SH3GLB1: variants seen among roughly 807,000 people sequenced by gnomAD.
SH3GLB1 encodes the protein endophilin-B1.
Under a neutral mutation model 42.0 loss-of-function variants are expected in SH3GLB1, and 17 were observed. The observed-to-expected ratio is 0.40, with a 90% CI of 0.28 to 0.61. The LOEUF is 0.61. Among genes scored for constraint, SH3GLB1 ranks in the 20% least tolerant of loss-of-function variants. The pLI, the probability that SH3GLB1 is intolerant of heterozygous loss-of-function variation, is 0.36. For synonymous variants in SH3GLB1, 132 were observed against 146.6 expected (o/e 0.90, Z 0.72); for missense variants, 355 against 426.3 (o/e 0.83, Z 1.47).
In SH3GLB1 at chr1:86,719,507, A is replaced by G. The variant is rs201622706; in HGVS notation, c.215A>G (p.Asn72Ser). The stretch of plus-strand genomic sequence containing the variant: ...TTGGTAATTTTAACCTTTCTCCTAG[A>G]TGCCAGGATAGAAGAATTTGTTTAT... Reference protein sequence around the residue: ...QTEVLLQPNPNARIEEFVYEK... With the variant: ...QTEVLLQPNPSARIEEFVYEK... Residue 72 changes from asparagine to serine, a missense_variant and splice_region_variant, in exon 3 of 9, where the codon AAT becomes AGT. Physicochemically the swap from Asn to Ser is conservative, Grantham distance 46 (BLOSUM62 1). Transcript: ENST00000370558. 2.1e-5 allele frequency: 33 copies of G among 1,598,222 alleles called. No individual in the cohort carries two copies. The African/African-American group carries it at 4.5e-4, about 22-fold the overall frequency.
At chr1:86,720,579 CTG>C (rs1654811856) in intron 3 of SH3GLB1, among the ~76,000 whole-genome samples, 1 of 152,326 alleles carries the variant, frequency 6.6e-6, no homozygotes, top group South Asian at 2.1e-4. Context: ...TAACATGAGA[CTG>C]TTACAGATTT....
chr1:86,745,465 A>G lies in SH3GLB1; in HGVS notation c.*2230A>G, dbSNP rs529951020. The G allele has an allele frequency of 6.6e-6, 1 of 152,184 alleles. No individual in the cohort carries two copies. Among genetic ancestry groups the G allele is most frequent in the Non-Finnish European group, 1.5e-5 (1 of 68,018 alleles). 9.4% of individuals were successfully genotyped at this position (152,184 alleles called of 1,614,324 possible). A position where few individuals can be genotyped will look rare whatever the true frequency, so the allele number is the denominator to read the frequency against. ...TCTGGGCTCTGTTTTCTCTCTATCA[A>G]TCCTATCCTCCACCCTCTTTAAATC... On this transcript the variant is annotated 3_prime_UTR_variant, in exon 9 of 9. Coordinates refer to ENST00000370558, the MANE Select transcript of SH3GLB1 (RefSeq NM_016009.5).
chr1:86,724,892 A>AAAAAAAAAAAATATATATATATATAT (rs1291454820), intron 5 of SH3GLB1, among the ~76,000 whole-genome samples: 3 of 99,690 alleles, frequency 3.0e-5, no homozygotes, highest in Non-Finnish European at 3.7e-5. Flanking sequence ...AAAAAAAAAA[A>AAAAAAAAAAAATATATATATATATAT]ATATATATAT....
chr1:86,707,778 A>T (rs926744709), intron 1 of SH3GLB1, among the ~76,000 whole-genome samples: 24 of 150,752 alleles, frequency 1.6e-4, no homozygotes, highest in African/African-American at 4.9e-4. Context: ...TCTTTCAAGT[A>T]ACTGGAATTA....
At chr1:86,729,453 G>A (rs1175741836) in intron 5 of SH3GLB1, among the ~76,000 whole-genome samples, 1 of 152,014 alleles carries the variant, frequency 6.6e-6, no homozygotes, top group Non-Finnish European at 1.5e-5. Flanking sequence ...GCATTAATGT[G>A]TTTCCATTGT....
intron 5 of SH3GLB1, among the ~76,000 whole-genome samples, chr1:86,730,613 C>G (rs1464471414): frequency 6.6e-6 from 1 of 152,106 alleles, no homozygotes; most frequent in Non-Finnish European, 1.5e-5. Flanking sequence ...GATTCTCCTG[C>G]CTCAGCCTCC....
chr1:86,706,090 A>G (rs541618148), intron 1 of SH3GLB1, among the ~76,000 whole-genome samples: 16 of 152,330 alleles, frequency 1.1e-4, no homozygotes, highest in African/African-American at 3.8e-4. Context: ...AATGCATTTG[A>G]CATATTATCT....
chr1:86,724,914 A>ATATATAT (rs1558315388), intron 5 of SH3GLB1, among the ~76,000 whole-genome samples: 56 of 119,912 alleles, frequency 4.7e-4, no homozygotes, highest in East Asian at 2.0e-3. Flanking sequence ...TATATATATA[A>ATATATAT]AATATATAAT....
chr1:86,712,174 T>C (rs562754265), intron 1 of SH3GLB1, among the ~76,000 whole-genome samples: 1 of 152,284 alleles, frequency 6.6e-6, no homozygotes, highest in East Asian at 1.9e-4. Flanking sequence ...AATGTCCTTA[T>C]TGTGTGTCTT....
chr1:86,728,377 T>G, intron 5 of SH3GLB1: 1 of 1,334,438 alleles, frequency 7.5e-7, no homozygotes, highest in Non-Finnish European at 1.0e-6. Context: ...TATAATGTGT[T>G]CTTTGTCTCT....
intron 7 of SH3GLB1, among the ~76,000 whole-genome samples, chr1:86,738,096 T>A (rs1655866241): frequency 6.6e-6 from 1 of 152,148 alleles, no homozygotes; most frequent in Non-Finnish European, 1.5e-5. Flanking sequence ...GGATAGGTGT[T>A]GGGTGGAAGC....
In SH3GLB1 at chr1:86,745,975, A is replaced by G. The variant is rs1404671920; in HGVS notation, c.*2740A>G. The G allele has an allele frequency of 2.0e-5, 3 of 152,636 alleles. No homozygotes were observed. The highest frequency in any genetic ancestry group is 2.4e-5 in the African/African-American group (1 of 41,450). The allele number at this position is 152,636 out of a possible 1,614,324, so 9.5% of individuals were successfully genotyped here. A position where few individuals can be genotyped will look rare whatever the true frequency, so the allele number is the denominator to read the frequency against. On this transcript the variant is annotated 3_prime_UTR_variant, in exon 9 of 9. Transcript: ENST00000370558. Reference sequence around the variant, plus strand: ...AAAAAAAAGTGATTGGATTGTGTCTACCTTTTTCCTCAAAGTAATCTAACC... The same window carrying G: ...AAAAAAAAGTGATTGGATTGTGTCTGCCTTTTTCCTCAAAGTAATCTAACC...
At chr1:86,727,322 C>G (rs1655253226) in intron 5 of SH3GLB1, among the ~76,000 whole-genome samples, 1 of 151,768 alleles carries the variant, frequency 6.6e-6, no homozygotes, top group Non-Finnish European at 1.5e-5. Flanking sequence ...AGAAAGAAAG[C>G]CCACTTTAAT....
At chr1:86,739,177 A>G (rs1218395727) in intron 7 of SH3GLB1, among the ~76,000 whole-genome samples, 1 of 152,234 alleles carries the variant, frequency 6.6e-6, no homozygotes, top group Non-Finnish European at 1.5e-5. Context: ...GAATTAGATA[A>G]TTAGAGAGTT....
intron 5 of SH3GLB1, among the ~76,000 whole-genome samples, chr1:86,732,976 T>G (rs1655591284): frequency 6.6e-6 from 1 of 152,094 alleles, no homozygotes; most frequent in African/African-American, 2.4e-5. Flanking sequence ...TTTGCTGTAT[T>G]TACTTCTGTT....
At chr1:86,714,777 G>C (rs966624155) in intron 1 of SH3GLB1, among the ~76,000 whole-genome samples, 1 of 152,102 alleles carries the variant, frequency 6.6e-6, no homozygotes, top group African/African-American at 2.4e-5. Context: ...TGTTAAGATG[G>C]GAGGAAGCCA....
At position 86,719,697 on chromosome 1, in the gene SH3GLB1, T is replaced by C. The variant is rs1205985413; in HGVS notation, c.343+62T>C. 2.6e-6 allele frequency: 4 copies of C among 1,547,634 alleles called. No homozygotes were observed. In the African/African-American group the frequency reaches 5.6e-5, roughly 22 times the overall value. ...TTTATGTTTAGATTTATTAGAGATG[T>C]CATTAACATATTAGTAGGCCGGGTG... On this transcript the variant is annotated intron_variant, in intron 3 of 8. Coordinates refer to ENST00000370558, the MANE Select transcript of SH3GLB1 (RefSeq NM_016009.5).
At chr1:86,707,520 G>A (rs377470530) in intron 1 of SH3GLB1, among the ~76,000 whole-genome samples, 2 of 152,052 alleles carry the variant, frequency 1.3e-5, no homozygotes, top group Non-Finnish European at 2.9e-5. Flanking sequence ...GGCTTGAGCC[G>A]TTTATTAAGG....
Position 86,745,406 on chromosome 1 carries a change from C to T in SH3GLB1, c.*2171C>T, listed in dbSNP as rs1290254445. On this transcript the variant is annotated 3_prime_UTR_variant, in exon 9 of 9. Transcript: ENST00000370558. Reference sequence around the variant, plus strand: ...TGACCTACCAAGTCTATAGGCCTTGCATATCACTGTGCACCAGAGATACCT... The same window carrying T: ...TGACCTACCAAGTCTATAGGCCTTGTATATCACTGTGCACCAGAGATACCT... 6.6e-6 allele frequency: 1 copy of T among 152,192 alleles called. No individual in the cohort carries two copies. The highest frequency in any genetic ancestry group is 2.4e-5 in the African/African-American group (1 of 41,454). 9.4% of individuals were successfully genotyped at this position (152,192 alleles called of 1,614,324 possible).
Sources: gnomAD v4.1 joint callset for allele counts (sites outside exome capture counted in the v4.1 genomes callset) on GRCh38, gnomAD v4.1.1 for gene constraint, MANE v1.5 for transcripts, NCBI Gene and HGNC (gene_info 2026-07-23, HGNC 2026-07-21) for gene names.